The following RELN variants were observed in gnomAD, a reference collection of about 807,000 sequenced individuals.
RELN encodes reelin.
In RELN, 108 loss-of-function variants were observed where a neutral mutation model predicts 427.6. That is an observed-to-expected ratio of 0.25 (90% CI 0.22 to 0.30). The LOEUF is 0.30. RELN is among the 10% of genes least tolerant of loss of function. The probability of loss-of-function intolerance (pLI) is 1.00; values close to 1 mark genes in which losing one functional copy is unlikely to be tolerated. For synonymous variants in RELN, 1,524 were observed against 1,513.4 expected (o/e 1.01, Z -0.16); for missense variants, 3,715 against 4,302.8 (o/e 0.86, Z 3.82).
chr7:103,699,654 T>G (rs1479710012), intron 9 of RELN, among the ~76,000 whole-genome samples: 1 of 152,254 alleles, frequency 6.6e-6, no homozygotes, highest in South Asian at 2.1e-4. Flanking sequence ...ATATATAACA[T>G]ACTAGAAAGA....
chr7:103,590,897 A>G (rs1240350514), intron 27 of RELN, among the ~76,000 whole-genome samples: 2 of 152,338 alleles, frequency 1.3e-5, no homozygotes, highest in South Asian at 2.1e-4. Flanking sequence ...TGTTATACAT[A>G]GCGTTGCAGA....
chr7:103,792,556 CGGGGGATGGGGGGATG>C (rs1236872372), intron 3 of RELN, among the ~76,000 whole-genome samples: 3 of 21,640 alleles, frequency 1.4e-4, no homozygotes, highest in Admixed American at 8.0e-4. Context: ...TAGTGGTTTC[CGGGGGATGGGGGGATG>C]GGGGGATGGG....
At chr7:103,858,153 T>C (rs1793989765) in intron 2 of RELN, among the ~76,000 whole-genome samples, 1 of 152,178 alleles carries the variant, frequency 6.6e-6, no homozygotes, top group Non-Finnish European at 1.5e-5. Context: ...ACAACAGGGC[T>C]GGCACTCGGC....
intron 10 of RELN, among the ~76,000 whole-genome samples, chr7:103,693,348 G>C (rs1030733270): frequency 7.0e-6 from 1 of 142,982 alleles, no homozygotes; most frequent in African/African-American, 2.6e-5. Context: ...CTGTCGGGGG[G>C]TTGGGGGGCA....
chr7:103,664,872 T>C (rs1210427870), intron 11 of RELN, among the ~76,000 whole-genome samples: 1 of 152,134 alleles, frequency 6.6e-6, no homozygotes, highest in Non-Finnish European at 1.5e-5. Context: ...CAGGTAGTAA[T>C]CTTTTCTTGA....
chr7:103,844,766 G>T (rs144877922), intron 2 of RELN, among the ~76,000 whole-genome samples: 44 of 152,280 alleles, frequency 2.9e-4, no homozygotes, highest in African/African-American at 9.9e-4. Flanking sequence ...ATATTGTGAG[G>T]ATTAAATGCT....
intron 41 of RELN, among the ~76,000 whole-genome samples, chr7:103,550,733 C>T (rs1393033849): frequency 6.6e-6 from 1 of 151,634 alleles, no homozygotes; most frequent in African/African-American, 2.4e-5. Flanking sequence ...AATATTCTAG[C>T]TGCATTTATA....
intron 2 of RELN, among the ~76,000 whole-genome samples, chr7:103,844,499 CA>C (rs367625441): frequency 0.013 from 1,950 of 152,244 alleles, 51 homozygotes; most frequent in African/African-American, 0.044. Flanking sequence ...AAGATTAACA[CA>C]TTTTTTCATT....
At position 103,630,131 on chromosome 7, in the gene RELN, A is replaced by C; in HGVS notation, c.2511T>G (p.Ile837Met). The part of the protein sequence containing the change: ...ELPGDAKQFG[I>M]QFRWWQPYHS... Reference sequence around the variant, plus strand: ...GATACGGTTGCCACCATCTGAACTGAATTCCAAACTGCTTTGCATCACCTG... The same window carrying C: ...GATACGGTTGCCACCATCTGAACTGCATTCCAAACTGCTTTGCATCACCTG... The change falls in exon 20 of 65, where the codon ATT becomes ATG. Residue 837 changes from isoleucine to methionine, a missense_variant. This residue lies in a region of RELN where 2,208 missense variants were observed against 2,361.7 expected (regional missense o/e 0.93). Coordinates refer to ENST00000428762, the MANE Select transcript of RELN (RefSeq NM_005045.4). 6.2e-7 allele frequency: 1 copy of C among 1,613,746 alleles called. No homozygotes were observed. The highest frequency in any genetic ancestry group is 8.5e-7 in the Non-Finnish European group (1 of 1,179,802).
rs118020245 is a variant in RELN at position 103,695,827 on chromosome 7, T to G, written c.1143+2026A>C. Among the ~76,000 whole-genome samples the G allele has an allele frequency of 7.9e-4, 120 of 152,198 alleles. No individual in the cohort carries two copies. The South Asian group carries it at 0.013, about 16-fold the overall frequency. On this transcript the variant is annotated intron_variant, in intron 10 of 64. Transcript: ENST00000428762. ...TGACATACGCTATTCTGACGAATGT[T>G]TTTTTCTAGACTCATACAAAAGAAA...
At chr7:103,513,907 T>C (rs1472467541) in intron 50 of RELN, 1 of 152,232 alleles carries the variant, frequency 6.6e-6, no homozygotes, top group Non-Finnish European at 1.5e-5. Flanking sequence ...TGAGTGATTT[T>C]TATTTTCATC....
At chr7:103,857,113 A>T (rs910978488) in intron 2 of RELN, among the ~76,000 whole-genome samples, 2 of 152,056 alleles carry the variant, frequency 1.3e-5, no homozygotes, top group Non-Finnish European at 2.9e-5. Flanking sequence ...CTTGCAACAT[A>T]TGTTATTGTC....
At chr7:103,882,875 C>G (rs192985943) in intron 2 of RELN, among the ~76,000 whole-genome samples, 136 of 152,308 alleles carry the variant, frequency 8.9e-4, no homozygotes, top group African/African-American at 3.1e-3. Flanking sequence ...GGAGCTGGTA[C>G]CATTCCTTCT....
At chr7:103,757,295 C>A (rs1791183717) in intron 4 of RELN, among the ~76,000 whole-genome samples, 1 of 152,160 alleles carries the variant, frequency 6.6e-6, no homozygotes, top group South Asian at 2.1e-4. Flanking sequence ...AATGACATAT[C>A]TCCAAGTCTA....
At chr7:103,876,800 T>A (rs1002693856) in intron 2 of RELN, among the ~76,000 whole-genome samples, 5 of 151,854 alleles carry the variant, frequency 3.3e-5, no homozygotes, top group African/African-American at 1.2e-4. Flanking sequence ...AAAAAAAGAA[T>A]GAAAAACTCT....
chr7:103,585,582 C>T (rs1278163732), intron 28 of RELN, among the ~76,000 whole-genome samples: 2 of 151,976 alleles, frequency 1.3e-5, no homozygotes, highest in African/African-American at 2.4e-5. Context: ...ACAACAAAAA[C>T]AACAAAAACC....
intron 2 of RELN, among the ~76,000 whole-genome samples, chr7:103,910,936 G>A: frequency 7.2e-6 from 1 of 139,324 alleles, no homozygotes; most frequent in African/African-American, 3.0e-5. Context: ...TCAGGACATA[G>A]GCATGGGCAA....
intron 2 of RELN, among the ~76,000 whole-genome samples, chr7:103,887,176 T>A (rs961579099): frequency 2.6e-5 from 4 of 152,156 alleles, no homozygotes; most frequent in Non-Finnish European, 5.9e-5. Context: ...AAATAGAGTT[T>A]GGGGGAATTT....
chr7:103,892,989 G>C lies in RELN; in HGVS notation c.337+24086C>G, dbSNP rs187863667. Among the ~76,000 whole-genome samples the C allele has an allele frequency of 3.0e-4, 45 of 152,288 alleles. No homozygotes were observed. The East Asian group carries it at 7.3e-3, about 25-fold the overall frequency. On this transcript the variant is annotated intron_variant, in intron 2 of 64. Coordinates refer to ENST00000428762, the MANE Select transcript of RELN (RefSeq NM_005045.4). Reference sequence around the variant, plus strand: ...AAAGAGAAGAGAGGGGGACTGACAGGTTTCTGTGACTGATCATGTAGAAAG... The same window carrying C: ...AAAGAGAAGAGAGGGGGACTGACAGCTTTCTGTGACTGATCATGTAGAAAG...
Sources: allele counts gnomAD v4.1 joint callset (sites outside exome capture counted in the v4.1 genomes callset), GRCh38; gene constraint gnomAD v4.1.1; regional missense constraint gnomAD v4.1.1; transcripts MANE v1.5; gene names NCBI Gene and HGNC (gene_info 2026-07-23, HGNC 2026-07-21).